The following NRXN3 variants were observed in gnomAD, a reference collection of about 807,000 sequenced individuals.
The protein encoded by NRXN3 is neurexin III.
A neutral mutation model predicts 137.6 loss-of-function variants in NRXN3; 32 were observed. The ratio of observed to expected loss-of-function variants is 0.23; its 90% CI spans 0.18 to 0.31. The LOEUF (loss-of-function observed/expected upper bound fraction) is 0.31. Ranked by LOEUF, NRXN3 falls within the 10% of genes least tolerant of loss-of-function variation. The pLI is 1.00. For missense variants in NRXN3, 1,574 were observed against 2,062.5 expected, an observed-to-expected ratio of 0.76 and a Z score of 4.59; for synonymous variants, 798 against 784.5, an observed-to-expected ratio of 1.02 and a Z score of -0.29.
At chr14:79,070,804 A>C (rs908515458) in intron 15 of NRXN3, among the ~76,000 whole-genome samples, 1 of 152,156 alleles carries the variant, frequency 6.6e-6, no homozygotes, top group Non-Finnish European at 1.5e-5. Context: ...TGGTAGGAAA[A>C]TTTAGAATCT....
chr14:78,586,189 C>T (rs895982277), intron 4 of NRXN3, among the ~76,000 whole-genome samples: 1 of 152,184 alleles, frequency 6.6e-6, no homozygotes, highest in Non-Finnish European at 1.5e-5. Context: ...AGACTCATGG[C>T]CTGCCAAAGG....
intron 8 of NRXN3, among the ~76,000 whole-genome samples, chr14:78,735,621 TA>T (rs1189947684): frequency 2.0e-5 from 3 of 152,068 alleles, no homozygotes; most frequent in African/African-American, 7.3e-5. Flanking sequence ...CACCATGACC[TA>T]AAAGATGACT....
intron 15 of NRXN3, among the ~76,000 whole-genome samples, chr14:79,083,449 T>C (rs143537815): frequency 1.3e-5 from 2 of 152,278 alleles, no homozygotes; most frequent in African/African-American, 4.8e-5. Flanking sequence ...AGGAAACTTA[T>C]ATTGAGCGTT....
intron 10 of NRXN3, among the ~76,000 whole-genome samples, chr14:78,919,385 T>G (rs1382477946): frequency 3.3e-5 from 5 of 152,228 alleles, no homozygotes; most frequent in Admixed American, 6.5e-5. Flanking sequence ...TTGGCAATTA[T>G]TTTCAATATC....
At chr14:78,526,498 G>A (rs2153807599) in intron 4 of NRXN3, among the ~76,000 whole-genome samples, 1 of 152,320 alleles carries the variant, frequency 6.6e-6, no homozygotes, top group South Asian at 2.1e-4. Context: ...CAATGTTATT[G>A]TTAACTTTGA....
intron 19 of NRXN3, among the ~76,000 whole-genome samples, chr14:79,788,621 A>G (rs1348194402): frequency 1.3e-5 from 2 of 152,204 alleles, no homozygotes; most frequent in Non-Finnish European, 2.9e-5. Context: ...TCTCACCATA[A>G]TAGACTGAGC....
chr14:79,231,617 C>T (rs1285235975), intron 15 of NRXN3, among the ~76,000 whole-genome samples: 1 of 152,220 alleles, frequency 6.6e-6, no homozygotes, highest in East Asian at 1.9e-4. Flanking sequence ...CCATGTAGCT[C>T]AGAGCTGAAA....
chr14:79,401,132 C>A (rs908762073), intron 15 of NRXN3, among the ~76,000 whole-genome samples: 1 of 152,170 alleles, frequency 6.6e-6, no homozygotes, highest in African/African-American at 2.4e-5. Flanking sequence ...AGGATTATTA[C>A]AGGCCAAATT....
At chr14:79,735,094 C>T (rs1321210949) in intron 19 of NRXN3, among the ~76,000 whole-genome samples, 2 of 152,284 alleles carry the variant, frequency 1.3e-5, no homozygotes, top group East Asian at 1.9e-4. Context: ...ACCTATTTAA[C>T]ACCCTATTTC....
intron 20 of NRXN3, among the ~76,000 whole-genome samples, chr14:79,812,540 C>T (rs2099237933): frequency 6.6e-6 from 1 of 151,962 alleles, no homozygotes; most frequent in Non-Finnish European, 1.5e-5. Context: ...AAGATGATGC[C>T]AAGCAGTGAC....
At chr14:79,083,527 T>G (rs2047469281) in intron 15 of NRXN3, among the ~76,000 whole-genome samples, 1 of 152,224 alleles carries the variant, frequency 6.6e-6, no homozygotes, top group Admixed American at 6.5e-5. Flanking sequence ...TGGATTCATC[T>G]TTTCCTTCCT....
chr14:79,602,985 G>A (rs2153836264), intron 16 of NRXN3, among the ~76,000 whole-genome samples: 1 of 152,180 alleles, frequency 6.6e-6, no homozygotes, highest in South Asian at 2.1e-4. Flanking sequence ...AGCCTCTGAA[G>A]GCAAATCTTG....
chr14:78,553,063 C>A (rs896389937), intron 4 of NRXN3, among the ~76,000 whole-genome samples: 38 of 152,184 alleles, frequency 2.5e-4, no homozygotes, highest in African/African-American at 8.9e-4. Context: ...TTTAATTAAT[C>A]ATCATAACAA....
intron 19 of NRXN3, among the ~76,000 whole-genome samples, chr14:79,777,692 A>C (rs138115450): frequency 6.6e-6 from 1 of 151,950 alleles, no homozygotes; most frequent in Non-Finnish European, 1.5e-5. Flanking sequence ...TTTTTCACTG[A>C]GCAAAATAGC....
intron 15 of NRXN3, among the ~76,000 whole-genome samples, chr14:79,254,370 A>G (rs2076309757): frequency 1.3e-5 from 2 of 152,194 alleles, no homozygotes; most frequent in African/African-American, 4.8e-5. Flanking sequence ...TTTGGTCTCA[A>G]GCAGTGGGGA....
intron 10 of NRXN3, among the ~76,000 whole-genome samples, chr14:78,927,805 C>T (rs1567728089): frequency 1.3e-5 from 2 of 152,070 alleles, no homozygotes; most frequent in African/African-American, 4.8e-5. Flanking sequence ...GTGCATTTTT[C>T]CCCACACAGG....
intron 10 of NRXN3, among the ~76,000 whole-genome samples, chr14:78,926,674 TTATA>T (rs1330368254): frequency 1.0e-5 from 1 of 97,614 alleles, no homozygotes; most frequent in African/African-American, 3.9e-5. Context: ...ATATATATAA[TTATA>T]TATTATGTAA....
At chr14:79,786,911 A>G (rs768805550) in intron 19 of NRXN3, among the ~76,000 whole-genome samples, 1 of 152,200 alleles carries the variant, frequency 6.6e-6, no homozygotes, top group Non-Finnish European at 1.5e-5. Flanking sequence ...AATTCCACTT[A>G]AGGGTTTAAG....
chr14:78,197,158 C>G (rs901799598), intron 1 of NRXN3, among the ~76,000 whole-genome samples: 6 of 152,224 alleles, frequency 3.9e-5, no homozygotes, highest in African/African-American at 1.4e-4. Flanking sequence ...TCTGTGAATA[C>G]CAACGCCAGC....
Sources: gnomAD v4.1 joint callset for allele counts (sites outside exome capture counted in the v4.1 genomes callset) on GRCh38, gnomAD v4.1.1 for gene constraint, MANE v1.5 for transcripts, NCBI Gene and HGNC (gene_info 2026-07-23, HGNC 2026-07-21) for gene names.